Variants in CTIF observed in about 807,000 individuals in gnomAD.
CTIF encodes cap binding complex dependent translation initiation factor, also known as CBP80/20-dependent translation initiation factor.
CTIF carries 21 observed loss-of-function variants against 66.0 expected under a neutral mutation model. The observed-to-expected ratio is 0.32, with a 90% CI of 0.23 to 0.46. CTIF has a LOEUF of 0.46. CTIF is among the 20% of genes least tolerant of loss of function. The pLI is 1.00. For missense variants in CTIF, 739 were observed against 812.7 expected (o/e 0.91, Z 1.10); for synonymous variants, 345 against 326.4 (o/e 1.06, Z -0.62).
chr18:48,650,883 C>T (rs1019982253), intron 3 of CTIF, among the ~76,000 whole-genome samples: 2 of 152,052 alleles, frequency 1.3e-5, no homozygotes, highest in African/African-American at 2.4e-5. Flanking sequence ...AATTTCACAT[C>T]CAGCCAAACT....
At chr18:48,739,978 C>T (rs892388604) in intron 7 of CTIF, among the ~76,000 whole-genome samples, 8 of 152,230 alleles carry the variant, frequency 5.3e-5, no homozygotes, top group Non-Finnish European at 1.0e-4. Context: ...AAGAGCATGT[C>T]TCCTGTGTTT....
intron 2 of CTIF, among the ~76,000 whole-genome samples, chr18:48,636,173 T>G (rs968971970): frequency 6.6e-6 from 1 of 152,190 alleles, no homozygotes; most frequent in African/African-American, 2.4e-5. Flanking sequence ...AAACCCATCA[T>G]CTTTTGGAGC....
At chr18:48,781,834 A>G (rs998384803) in intron 9 of CTIF, among the ~76,000 whole-genome samples, 2 of 152,208 alleles carry the variant, frequency 1.3e-5, no homozygotes, top group Non-Finnish European at 2.9e-5. Context: ...TACTTCCCCT[A>G]ATATTTCTGG....
intron 3 of CTIF, among the ~76,000 whole-genome samples, chr18:48,657,557 C>T (rs1459655108): frequency 6.6e-6 from 1 of 152,062 alleles, no homozygotes; most frequent in East Asian, 1.9e-4. Flanking sequence ...TCCAGAGCAC[C>T]CCGGGGAGCT....
rs368877112 is a variant in CTIF at position 48,761,601 on chromosome 18, C to T, written c.1283C>T (p.Ala428Val). 2 of 1,614,220 alleles carry T rather than the reference C, an allele frequency of 1.2e-6. No individual in the cohort carries two copies. The highest frequency in any genetic ancestry group is 8.5e-7 in the Non-Finnish European group (1 of 1,180,050). ...AAGGCTGTGTCCGACCGCAGCTTCG[C>T]CTTCACCGCTGCCAAGCTCTGCGAC... is the stretch of plus-strand genomic sequence containing the variant. ...YQKAVSDRSF[A>V]FTAAKLCDKM... The change falls in exon 9 of 12, where the codon GCC becomes GTC. Residue 428 changes from alanine (A) to valine (V), a missense_variant. Transcript: ENST00000256413. The surrounding 1 kb of genome is among the most constrained non-coding windows in gnomAD (Gnocchi z 4.2).
chr18:48,841,966 T>C (rs1014482187), intron 10 of CTIF, among the ~76,000 whole-genome samples: 2 of 152,206 alleles, frequency 1.3e-5, no homozygotes, highest in Non-Finnish European at 2.9e-5. Flanking sequence ...AGCCCCTACC[T>C]ACTGGAAGGT....
chr18:48,755,449 C>T (rs1337589973), intron 7 of CTIF, among the ~76,000 whole-genome samples: 2 of 152,134 alleles, frequency 1.3e-5, no homozygotes, highest in Non-Finnish European at 2.9e-5. Context: ...GCTGGGTAGT[C>T]GGAAGGCCAG....
chr18:48,685,373 C>T (rs1439366321), intron 6 of CTIF, among the ~76,000 whole-genome samples: 2 of 152,008 alleles, frequency 1.3e-5, no homozygotes, highest in African/African-American at 4.8e-5. Context: ...CAGGCACATG[C>T]CACCACGCCC....
Position 48,771,997 on chromosome 18 carries a change from T to A in CTIF, c.1371+10308T>A, listed in dbSNP as rs570515178. ...CGGGTTATGTAACTGCTCACCGCCCTGTCCCTGGCTCCCCAGGGAGGCTCC... is the reference window on the plus strand; with the variant it reads ...CGGGTTATGTAACTGCTCACCGCCCAGTCCCTGGCTCCCCAGGGAGGCTCC... On this transcript the variant is annotated intron_variant, in intron 9 of 11. Coordinates refer to ENST00000256413, the MANE Select transcript of CTIF (RefSeq NM_014772.3). 1.1e-3 allele frequency among the ~76,000 whole-genome samples: 175 copies of A among 152,324 alleles called. 3 individuals carry two copies. In the South Asian group the frequency reaches 0.035, roughly 30 times the overall value.
intron 10 of CTIF, among the ~76,000 whole-genome samples, chr18:48,844,087 C>T (rs1174080609): frequency 6.6e-6 from 1 of 152,232 alleles, no homozygotes; most frequent in African/African-American, 2.4e-5. Flanking sequence ...TCAGAGGCCC[C>T]CTCTCAAAAG....
chr18:48,773,814 C>A (rs1312023430), intron 9 of CTIF, among the ~76,000 whole-genome samples: 1 of 152,016 alleles, frequency 6.6e-6, no homozygotes, highest in Non-Finnish European at 1.5e-5. Flanking sequence ...CCTGCCTGAG[C>A]TGCGTTTCTG....
At chr18:48,692,580 A>T (rs113481598) in intron 6 of CTIF, 58 of 152,330 alleles carry the variant, frequency 3.8e-4, no homozygotes, top group African/African-American at 1.4e-3. Flanking sequence ...TAGCGTGCAT[A>T]TGAATAGCAT....
intron 10 of CTIF, among the ~76,000 whole-genome samples, chr18:48,819,737 T>A (rs72913771): frequency 0.15 from 23,221 of 152,258 alleles, 2,165 homozygotes; most frequent in East Asian, 0.27. Flanking sequence ...TCTTCTCCAA[T>A]TTGTAAAAGA....
intron 9 of CTIF, among the ~76,000 whole-genome samples, chr18:48,773,548 C>A (rs546667752): frequency 2.0e-4 from 30 of 152,360 alleles, no homozygotes; most frequent in African/African-American, 6.7e-4. Context: ...GGTCCCCTTC[C>A]TTCAGTAAGT....
Position 48,769,556 on chromosome 18 carries a change from G to A in CTIF, c.1371+7867G>A, listed in dbSNP as rs576574045. On this transcript the variant is annotated intron_variant, in intron 9 of 11. Coordinates refer to ENST00000256413, the MANE Select transcript of CTIF (RefSeq NM_014772.3). ...CTGAAGGTGGGCACCAACAGGCCTC[G>A]TCAGGCTGGCCTGGCATCACAGGAG... Among the ~76,000 whole-genome samples, 107 of 152,364 alleles carry A rather than the reference G, an allele frequency of 7.0e-4. 1 individual carries two copies. The highest frequency in any genetic ancestry group is 3.4e-3 in the Middle Eastern group (1 of 294).
intron 3 of CTIF, among the ~76,000 whole-genome samples, chr18:48,639,330 G>A (rs899998293): frequency 6.6e-6 from 1 of 152,202 alleles, no homozygotes; most frequent in Non-Finnish European, 1.5e-5. Context: ...TGAGCTCCCG[G>A]TGGGCTTGAA....
At chr18:48,646,151 T>C (rs141285157) in intron 3 of CTIF, among the ~76,000 whole-genome samples, 2 of 152,190 alleles carry the variant, frequency 1.3e-5, no homozygotes, top group Non-Finnish European at 2.9e-5. Flanking sequence ...GGAGAAAATA[T>C]TTGCAAAACA....
chr18:48,544,024 T>A (rs2088687489), intron 1 of CTIF, among the ~76,000 whole-genome samples: 1 of 152,218 alleles, frequency 6.6e-6, no homozygotes, highest in Non-Finnish European at 1.5e-5. Context: ...TTTCTGGCCC[T>A]GAGGCAGGGT....
Position 48,862,676 on chromosome 18 carries a change from T to TATTA in CTIF, c.*3118_*3121dup, listed in dbSNP as rs1467060331. 1 of 150,988 alleles carries TATTA rather than the reference T, an allele frequency of 6.6e-6. No individual in the cohort carries two copies. The highest frequency in any genetic ancestry group is 2.5e-5 in the African/African-American group (1 of 39,832). 9.4% of individuals were successfully genotyped at this position (150,988 alleles called of 1,614,324 possible). ...ATTCTGATTGATTTTTATTTTATTC[T>TATTA]ATTATTTTCTCCGAGGGATGAGGGT... is the stretch of plus-strand genomic sequence containing the variant. On this transcript the variant is annotated 3_prime_UTR_variant, in exon 12 of 12. Coordinates refer to ENST00000256413, the MANE Select transcript of CTIF (RefSeq NM_014772.3).
Sources: allele counts gnomAD v4.1 joint callset (sites outside exome capture counted in the v4.1 genomes callset), GRCh38; gene constraint gnomAD v4.1.1; non-coding constraint Gnocchi (gnomAD v3.1); transcripts MANE v1.5; gene names NCBI Gene and HGNC (gene_info 2026-07-23, HGNC 2026-07-21).